Variants in CENPP observed in about 807,000 individuals in gnomAD.
The protein encoded by CENPP is centromere protein P.
In CENPP, 24 loss-of-function variants were observed where a neutral mutation model predicts 35.6. The observed-to-expected ratio is 0.67, with a 90% CI of 0.49 to 0.95. CENPP has a LOEUF of 0.95. CENPP is among the 40% of genes least tolerant of loss of function. The pLI, the probability that CENPP is intolerant of heterozygous loss-of-function variation, is 0.00. For missense variants in CENPP, 332 were observed against 345.3 expected, an observed-to-expected ratio of 0.96 and a Z score of 0.31; for synonymous variants, 120 against 125.5, an observed-to-expected ratio of 0.96 and a Z score of 0.29.
chr9:92,409,856 G>A (rs144247801), intron 5 of CENPP, among the ~76,000 whole-genome samples: 18 of 152,262 alleles, frequency 1.2e-4, no homozygotes, highest in Non-Finnish European at 2.2e-4. Flanking sequence ...CAGTCTTGAT[G>A]TACTATTTGA....
chr9:92,455,486 G>A (rs772372175), intron 5 of CENPP, among the ~76,000 whole-genome samples: 44 of 152,166 alleles, frequency 2.9e-4, no homozygotes, highest in Admixed American at 7.2e-4. Flanking sequence ...ACTAAAAGAT[G>A]TACAGGGCAG....
intron 5 of CENPP, among the ~76,000 whole-genome samples, chr9:92,496,892 T>C (rs2131136520): frequency 6.6e-6 from 1 of 151,584 alleles, no homozygotes; most frequent in Non-Finnish European, 1.5e-5. Context: ...AGAAGAGAAA[T>C]GTAAATTGAA....
chr9:92,619,204 T>C lies in CENPP; in HGVS notation c.*6055T>C, dbSNP rs78167423. The C allele has an allele frequency of 8.5e-3, 3,209 of 376,146 alleles. 89 individuals are homozygous for C. Among genetic ancestry groups the C allele is most frequent in the East Asian group, 0.069 (1,429 of 20,566 alleles). The allele number at this position is 376,146 out of a possible 1,614,324, so 23.3% of individuals were successfully genotyped here. ...TGCAATGGGCAGCTCACTGTCCACA[T>C]TGTTTCTGAGCTCTTGGGAGTATTT... is the stretch of plus-strand genomic sequence containing the variant. On this transcript the variant is annotated 3_prime_UTR_variant, in exon 8 of 8. Transcript: ENST00000375587.
rs1464740919 is a variant in CENPP, at chr9:92,614,725, A to ATAT, written c.*1577_*1579dup. The ATAT allele has an allele frequency of 6.5e-6, 1 of 152,680 alleles. No individual in the cohort carries two copies. The highest frequency in any genetic ancestry group is 1.5e-5 in the Non-Finnish European group (1 of 68,048). The allele number at this position is 152,680 out of a possible 1,614,324, so 9.5% of individuals were successfully genotyped here. On this transcript the variant is annotated 3_prime_UTR_variant, in exon 8 of 8. Coordinates refer to ENST00000375587, the MANE Select transcript of CENPP (RefSeq NM_001012267.3). ...CCTCCATTAGTCCCTCAAAACGATG[A>ATAT]TATAAATAAGTCTGTACAACCTAGC... is the stretch of plus-strand genomic sequence containing the variant.
intron 5 of CENPP, chr9:92,510,066 A>G: frequency 6.3e-7 from 1 of 1,580,716 alleles, no homozygotes. Flanking sequence ...TTACTTTTTT[A>G]TCTAGTCACA....
At chr9:92,469,572 A>G (rs1845434855) in intron 5 of CENPP, among the ~76,000 whole-genome samples, 1 of 152,076 alleles carries the variant, frequency 6.6e-6, no homozygotes, top group Admixed American at 6.6e-5. Context: ...TTGTTATGGT[A>G]TTTTCTACCC....
intron 5 of CENPP, among the ~76,000 whole-genome samples, chr9:92,419,157 A>T (rs2761678): frequency 0.1 from 15,742 of 152,070 alleles, 875 homozygotes; most frequent in Middle Eastern, 0.15. Flanking sequence ...GGAAGGGTCA[A>T]TTATGTCCCA....
intron 5 of CENPP, among the ~76,000 whole-genome samples, chr9:92,437,585 T>A (rs1392548893): frequency 6.6e-6 from 1 of 151,444 alleles, no homozygotes; most frequent in African/African-American, 2.4e-5. Flanking sequence ...AATTTTTGTA[T>A]TTTTTGTAGA....
intron 5 of CENPP, among the ~76,000 whole-genome samples, chr9:92,512,343 A>C (rs1328995289): frequency 6.6e-6 from 1 of 152,226 alleles, no homozygotes; most frequent in East Asian, 1.9e-4. Context: ...TTTTCTCTCT[A>C]AGGATTCATC....
chr9:92,425,243 T>C (rs1382772110), intron 5 of CENPP, among the ~76,000 whole-genome samples: 1 of 152,218 alleles, frequency 6.6e-6, no homozygotes, highest in African/African-American at 2.4e-5. Flanking sequence ...ACTTCTAATA[T>C]CCTTTCAGAT....
intron 5 of CENPP, among the ~76,000 whole-genome samples, chr9:92,600,784 A>AT (rs895686130): frequency 2.0e-5 from 3 of 152,206 alleles, no homozygotes; most frequent in African/African-American, 4.8e-5. Flanking sequence ...TTTAGGACAC[A>AT]TTTTTTAACT....
intron 5 of CENPP, among the ~76,000 whole-genome samples, chr9:92,587,121 AAAC>A (rs2131372198): frequency 6.6e-6 from 1 of 152,286 alleles, no homozygotes; most frequent in East Asian, 1.9e-4. Context: ...AAAAAGAAAA[AAAC>A]AGGAAAACAA....
chr9:92,586,301 TC>T (rs1280440754), intron 5 of CENPP, among the ~76,000 whole-genome samples: 3 of 152,090 alleles, frequency 2.0e-5, no homozygotes, highest in Admixed American at 2.0e-4. Context: ...AGCCTTGACC[TC>T]CCAAAGTGCT....
At chr9:92,331,855 G>A (rs1009741415) in intron 1 of CENPP, among the ~76,000 whole-genome samples, 13 of 152,176 alleles carry the variant, frequency 8.5e-5, no homozygotes, top group Admixed American at 7.2e-4. Context: ...CAGCTACTCA[G>A]GAGGATCCTT....
At chr9:92,337,212 G>A (rs1181073247) in intron 2 of CENPP, among the ~76,000 whole-genome samples, 1 of 152,098 alleles carries the variant, frequency 6.6e-6, no homozygotes, top group East Asian at 1.9e-4. Flanking sequence ...CAGCTACTCG[G>A]GAGGCTGAGG....
chr9:92,602,130 T>C (rs76052014), intron 5 of CENPP, among the ~76,000 whole-genome samples: 2,097 of 152,282 alleles, frequency 0.014, 57 homozygotes, highest in African/African-American at 0.048. Context: ...AGGAGCAGTT[T>C]ACAGGAGCTC....
At chr9:92,588,437 T>C (rs2131373440) in intron 5 of CENPP, among the ~76,000 whole-genome samples, 1 of 151,688 alleles carries the variant, frequency 6.6e-6, no homozygotes, top group South Asian at 2.1e-4. Context: ...TTTTTTTTAG[T>C]AGAGACATGG....
chr9:92,602,822 C>T (rs1347370324), intron 5 of CENPP, among the ~76,000 whole-genome samples: 1 of 139,696 alleles, frequency 7.2e-6, no homozygotes, highest in Non-Finnish European at 1.6e-5. Context: ...TTCAAAATTA[C>T]ATTCAAATTA....
chr9:92,614,693 C>A lies in CENPP; in HGVS notation c.*1544C>A, dbSNP rs897179643. 2.0e-5 allele frequency: 3 copies of A among 152,612 alleles called. No homozygotes were observed. Among genetic ancestry groups the A allele is most frequent in the African/African-American group, 7.2e-5 (3 of 41,430 alleles). The allele number at this position is 152,612 out of a possible 1,614,324, so 9.5% of individuals were successfully genotyped here. ...ATGGTTTCACTAATATTATATGTTA[C>A]AATAAGCCTCCATTAGTCCCTCAAA... On this transcript the variant is annotated 3_prime_UTR_variant, in exon 8 of 8. Coordinates refer to ENST00000375587, the MANE Select transcript of CENPP (RefSeq NM_001012267.3).
Sources: allele counts gnomAD v4.1 joint callset (sites outside exome capture counted in the v4.1 genomes callset), GRCh38; gene constraint gnomAD v4.1.1; transcripts MANE v1.5; gene names NCBI Gene and HGNC (gene_info 2026-07-23, HGNC 2026-07-21).